TRIOBP: variants seen among roughly 807,000 people sequenced by gnomAD.
TRIOBP encodes the protein TRIO and F-actin-binding protein.
Under a neutral mutation model 238.8 loss-of-function variants are expected in TRIOBP, and 169 were observed. That is an observed-to-expected ratio of 0.71 (90% confidence interval 0.62 to 0.80). TRIOBP has a LOEUF of 0.80. TRIOBP is among the 30% of genes least tolerant of loss of function. TRIOBP has a pLI of 0.00. For missense variants in TRIOBP, 2,838 were observed against 3,122.6 expected, an observed-to-expected ratio of 0.91 and a Z score of 2.17; for synonymous variants, 1,150 against 1,274.4, an observed-to-expected ratio of 0.90 and a Z score of 2.08.
chr22:37,710,507 C>G lies in TRIOBP; in HGVS notation c.195C>G (p.Ser65Arg). The G allele has an allele frequency of 6.2e-7, 1 of 1,612,260 alleles. No individual in the cohort carries two copies. The highest frequency in any genetic ancestry group is 8.5e-7 in the Non-Finnish European group (1 of 1,179,780). The change falls in exon 4 of 24, where the codon AGC becomes AGG. Residue 65 changes from serine (S) to arginine (R), a missense_variant. Around this residue, in one of 5 missense-constraint regions of TRIOBP, gnomAD observed 535 missense variants for 537.3 expected, o/e 1.00. Coordinates refer to ENST00000644935, the MANE Select transcript of TRIOBP (RefSeq NM_001039141.3). ...CACCTGCCCCTGAGGACCCACTCAGCGCCTCAACCTCCGGCTGCCAGTCTG... is the reference window on the plus strand; with the variant it reads ...CACCTGCCCCTGAGGACCCACTCAGGGCCTCAACCTCCGGCTGCCAGTCTG... The part of the protein sequence containing the change: ...RCPPAPEDPL[S>R]ASTSGCQSVV...
intron 3 of TRIOBP, among the ~76,000 whole-genome samples, chr22:37,706,839 T>C (rs1156822112): frequency 6.6e-6 from 1 of 151,410 alleles, no homozygotes; most frequent in East Asian, 1.9e-4. Context: ...TTCCAGTTGC[T>C]CTGATGATGA....
chr22:37,750,167 ACT>A (rs1925508186), intron 11 of TRIOBP, among the ~76,000 whole-genome samples: 1 of 152,170 alleles, frequency 6.6e-6, no homozygotes, highest in African/African-American at 2.4e-5. Context: ...AGGGGATGTG[ACT>A]TAGGAAGGTC....
chr22:37,715,332 TTTTTG>T (rs1410683546), intron 5 of TRIOBP, among the ~76,000 whole-genome samples: 5 of 149,908 alleles, frequency 3.3e-5, no homozygotes, highest in Non-Finnish European at 7.4e-5. Flanking sequence ...GCTTTGTTTT[TTTTTG>T]TTTTGTTTTT....
At chr22:37,726,818 C>G (rs574887971) in intron 7 of TRIOBP, among the ~76,000 whole-genome samples, 1 of 152,282 alleles carries the variant, frequency 6.6e-6, no homozygotes, top group South Asian at 2.1e-4. Flanking sequence ...GTGAGTTAAC[C>G]TACCTGAGCC....
At chr22:37,713,097 C>A (rs951765996) in intron 4 of TRIOBP, 113 bp from the exon 5 acceptor site, 2 of 946,746 alleles carry the variant, frequency 2.1e-6, no homozygotes, top group Non-Finnish European at 3.2e-6. Flanking sequence ...GGCTCCCTTT[C>A]CCACACCAGC....
intron 17 of TRIOBP, 124 bp downstream of exon 17, chr22:37,759,388 A>T: frequency 1.6e-6 from 2 of 1,269,150 alleles, no homozygotes; most frequent in African/African-American, 1.5e-5. Context: ...GGCATTTGAC[A>T]TGCGTCATCT....
intron 11 of TRIOBP, among the ~76,000 whole-genome samples, chr22:37,742,655 G>A (rs747672400): frequency 1.6e-4 from 24 of 152,248 alleles, no homozygotes; most frequent in Non-Finnish European, 3.1e-4. Context: ...TTAAGCCATG[G>A]GCAGGAATTA....
chr22:37,714,671 G>GAA (rs879429934), intron 5 of TRIOBP, among the ~76,000 whole-genome samples: 1 of 142,848 alleles, frequency 7.0e-6, no homozygotes. Context: ...CTTAAATAGA[G>GAA]AAAAAAAAAA....
intron 3 of TRIOBP, among the ~76,000 whole-genome samples, chr22:37,704,098 A>C (rs1240388462): frequency 6.6e-6 from 1 of 152,186 alleles, no homozygotes; most frequent in Non-Finnish European, 1.5e-5. Context: ...ATGATAAATC[A>C]GAAAGGCACA....
intron 2 of TRIOBP, among the ~76,000 whole-genome samples, chr22:37,697,922 G>A (rs1035493364): frequency 2.6e-5 from 4 of 152,102 alleles, no homozygotes; most frequent in African/African-American, 7.2e-5. Flanking sequence ...CAGGGCGGCC[G>A]GGCGCGGTGG....
chr22:37,728,495 T>G (rs1305615809), intron 7 of TRIOBP, among the ~76,000 whole-genome samples: 1 of 152,108 alleles, frequency 6.6e-6, no homozygotes, highest in East Asian at 1.9e-4. Flanking sequence ...CCAGTAAGCT[T>G]GATCATTTAA....
chr22:37,714,494 C>A (rs1438778888), intron 5 of TRIOBP, among the ~76,000 whole-genome samples: 2 of 152,160 alleles, frequency 1.3e-5, no homozygotes, highest in Non-Finnish European at 2.9e-5. Flanking sequence ...CATGGTGAAA[C>A]TCTGTCTCTA....
chr22:37,702,404 A>C (rs1177419997), intron 3 of TRIOBP, among the ~76,000 whole-genome samples: 1 of 151,764 alleles, frequency 6.6e-6, no homozygotes, highest in Admixed American at 6.6e-5. Flanking sequence ...GGGTTTCGCC[A>C]TATTGGCCAG....
chr22:37,736,120 A>C (rs1924656503), intron 9 of TRIOBP, among the ~76,000 whole-genome samples: 1 of 152,162 alleles, frequency 6.6e-6, no homozygotes, highest in South Asian at 2.1e-4. Flanking sequence ...CGCCGGGCAC[A>C]CAGTAGGTGC....
At chr22:37,765,462 G>A (rs994232238) in intron 17 of TRIOBP, among the ~76,000 whole-genome samples, 12 of 151,792 alleles carry the variant, frequency 7.9e-5, no homozygotes, top group Non-Finnish European at 1.0e-4. Context: ...GGAATCCCTG[G>A]AGGGCTTGAG....
intron 6 of TRIOBP, among the ~76,000 whole-genome samples, chr22:37,720,000 C>CCTTTTTTTTTT (rs1923747483): frequency 3.7e-5 from 2 of 54,348 alleles, no homozygotes; most frequent in Non-Finnish European, 6.4e-5. Context: ...CCCCCCCGCC[C>CCTTTTTTTTTT]TTTTTTTTTT....
chr22:37,727,454 G>A (rs369356951), intron 7 of TRIOBP, among the ~76,000 whole-genome samples: 1 of 151,854 alleles, frequency 6.6e-6, no homozygotes, highest in Non-Finnish European at 1.5e-5. Flanking sequence ...GGATCACAAG[G>A]TCAGGAGATC....
intron 3 of TRIOBP, among the ~76,000 whole-genome samples, chr22:37,703,433 C>G (rs932637731): frequency 1.3e-5 from 2 of 151,880 alleles, no homozygotes; most frequent in Non-Finnish European, 1.5e-5. Context: ...CTGGGACTCA[C>G]GAACCTCCGA....
In TRIOBP at chr22:37,710,686, G is replaced by T. The variant is rs144572916; in HGVS notation, c.254+120G>T. 22,374 of 1,392,758 alleles carry T rather than the reference G, an allele frequency of 0.016. 232 individuals are homozygous for T. Among genetic ancestry groups the T allele is most frequent in the Non-Finnish European group, 0.019 (19,275 of 1,039,926 alleles). The allele number at this position is 1,392,758 out of a possible 1,614,324, so 86.3% of individuals were successfully genotyped here. On this transcript the variant is annotated intron_variant, in intron 4 of 23. Transcript: ENST00000644935. ...TAATGGCTGCTGGCATGGGTCACGT[G>T]GTCAGTCCTCTAAACCTAGGCACAG...
Sources: gnomAD v4.1 joint callset for allele counts (sites outside exome capture counted in the v4.1 genomes callset) on GRCh38, gnomAD v4.1.1 for gene constraint, gnomAD v4.1.1 regional missense constraint, MANE v1.5 for transcripts, NCBI Gene and HGNC (gene_info 2026-07-23, HGNC 2026-07-21) for gene names.